Variants in LRRTM4 observed in about 807,000 individuals in gnomAD.
The protein encoded by LRRTM4 is leucine rich repeat transmembrane neuronal 4.
A neutral mutation model predicts 47.6 loss-of-function variants in LRRTM4; 25 were observed. That is an observed-to-expected ratio of 0.53 (90% confidence interval 0.38 to 0.73). The LOEUF (loss-of-function observed/expected upper bound fraction) is 0.73. LRRTM4 is among the 30% of genes least tolerant of loss of function. LRRTM4 has a pLI of 0.00. For missense variants in LRRTM4, 638 were observed against 713.4 expected (o/e 0.89, Z 1.20); for synonymous variants, 311 against 269.5 (o/e 1.15, Z -1.51).
chr2:77,281,864 C>T (rs1676515115), intron 3 of LRRTM4, among the ~76,000 whole-genome samples: 1 of 151,762 alleles, frequency 6.6e-6, no homozygotes, highest in East Asian at 1.9e-4. Context: ...AGTTTTCTGG[C>T]TTTTGGCATG....
chr2:76,809,406 A>G (rs1282846711), intron 3 of LRRTM4, among the ~76,000 whole-genome samples: 1 of 152,042 alleles, frequency 6.6e-6, no homozygotes, highest in Non-Finnish European at 1.5e-5. Context: ...TCCTTCTTTT[A>G]AGTGCTCAGG....
intron 3 of LRRTM4, among the ~76,000 whole-genome samples, chr2:77,382,871 C>A (rs1036664640): frequency 6.6e-6 from 1 of 152,010 alleles, no homozygotes; most frequent in African/African-American, 2.4e-5. Flanking sequence ...ACGAGCCATA[C>A]GAAAATCCAC....
In LRRTM4 at chr2:76,917,912, A is replaced by G. The variant is rs115731417; in HGVS notation, c.1552-168996T>C. The stretch of plus-strand genomic sequence containing the variant: ...TAGTGTTTCCTATCCCTCTCTTTTT[A>G]TAGTGGTATGGGTATGCTAGGAAGA... On this transcript the variant is annotated intron_variant, in intron 3 of 3. Transcript: ENST00000409884. Among the ~76,000 whole-genome samples, 728 of 152,044 alleles carry G rather than the reference A, an allele frequency of 4.8e-3. 5 individuals are homozygous for G. Among genetic ancestry groups the G allele is most frequent in the African/African-American group, 0.017 (693 of 41,466 alleles).
intron 3 of LRRTM4, among the ~76,000 whole-genome samples, chr2:76,890,446 A>G (rs1673216034): frequency 6.6e-6 from 1 of 152,026 alleles, no homozygotes; most frequent in Non-Finnish European, 1.5e-5. Context: ...TTCAAAGGCC[A>G]AAAGAGGATG....
intron 3 of LRRTM4, among the ~76,000 whole-genome samples, chr2:76,803,586 C>T (rs553787305): frequency 3.9e-5 from 6 of 152,146 alleles, no homozygotes; most frequent in Admixed American, 1.3e-4. Flanking sequence ...TCGGCAATAC[C>T]GCTACTGGGT....
At chr2:77,208,525 G>A (rs1036419456) in intron 3 of LRRTM4, among the ~76,000 whole-genome samples, 2 of 152,156 alleles carry the variant, frequency 1.3e-5, no homozygotes, top group African/African-American at 4.8e-5. Flanking sequence ...CCTGTGGGTG[G>A]AGGCTGGTCA....
At chr2:76,762,066 C>T (rs1319901023) in intron 3 of LRRTM4, among the ~76,000 whole-genome samples, 5 of 152,186 alleles carry the variant, frequency 3.3e-5, no homozygotes. Context: ...TCACCCCCAA[C>T]TACAGCCGCT....
intron 3 of LRRTM4, among the ~76,000 whole-genome samples, chr2:76,994,449 G>A (rs1677127170): frequency 6.6e-6 from 1 of 151,816 alleles, no homozygotes; most frequent in African/African-American, 2.4e-5. Flanking sequence ...GGAGAGCATA[G>A]AGAACTGATG....
At chr2:77,293,830 C>A (rs1197122259) in intron 3 of LRRTM4, among the ~76,000 whole-genome samples, 2 of 152,228 alleles carry the variant, frequency 1.3e-5, no homozygotes, top group East Asian at 3.9e-4. Context: ...CCTGGACCCT[C>A]ATAATGAGAC....
At chr2:76,796,946 C>A (rs1274818361) in intron 3 of LRRTM4, among the ~76,000 whole-genome samples, 1 of 151,988 alleles carries the variant, frequency 6.6e-6, no homozygotes, top group Non-Finnish European at 1.5e-5. Context: ...GCAAAGCCTC[C>A]AAGAAATATG....
At chr2:76,927,072 A>T (rs58463979) in intron 3 of LRRTM4, among the ~76,000 whole-genome samples, 2,911 of 152,236 alleles carry the variant, frequency 0.019, 74 homozygotes, top group East Asian at 0.083. Flanking sequence ...TGCTTATGAC[A>T]TTTGGATTTT....
At chr2:77,011,707 A>T (rs757373323) in intron 3 of LRRTM4, among the ~76,000 whole-genome samples, 23 of 152,222 alleles carry the variant, frequency 1.5e-4, no homozygotes, top group Admixed American at 3.3e-4. Flanking sequence ...GCATTCATCC[A>T]TGTGGTTGAG....
chr2:76,982,477 A>C (rs1030520197), intron 3 of LRRTM4, among the ~76,000 whole-genome samples: 6 of 152,058 alleles, frequency 3.9e-5, no homozygotes, highest in Non-Finnish European at 8.8e-5. Context: ...AATGATAATA[A>C]AAATAAATTT....
At chr2:77,227,900 T>G (rs1430244367) in intron 3 of LRRTM4, among the ~76,000 whole-genome samples, 1 of 152,142 alleles carries the variant, frequency 6.6e-6, no homozygotes, top group Non-Finnish European at 1.5e-5. Context: ...TTATTATTTT[T>G]TCTTACAAAA....
chr2:76,992,878 A>G (rs1312717160), intron 3 of LRRTM4, among the ~76,000 whole-genome samples: 2 of 151,492 alleles, frequency 1.3e-5, no homozygotes, highest in African/African-American at 2.4e-5. Flanking sequence ...AAATTATACT[A>G]TAAGGCTTAA....
chr2:77,095,757 C>T (rs1363775058), intron 3 of LRRTM4, among the ~76,000 whole-genome samples: 2 of 152,134 alleles, frequency 1.3e-5, no homozygotes, highest in Non-Finnish European at 1.5e-5. Flanking sequence ...GTCAGATCCA[C>T]CCGCCTTGGC....
chr2:77,090,351 C>A (rs962621897), intron 3 of LRRTM4, among the ~76,000 whole-genome samples: 1 of 152,130 alleles, frequency 6.6e-6, no homozygotes, highest in Non-Finnish European at 1.5e-5. Context: ...AACCCTGAGA[C>A]ACTTTACAGC....
intron 3 of LRRTM4, among the ~76,000 whole-genome samples, chr2:77,299,847 ATTTTTTTTTTTT>A (rs145008759): frequency 9.6e-5 from 11 of 114,212 alleles, no homozygotes; most frequent in African/African-American, 3.7e-4. Flanking sequence ...TAAGGTAATG[ATTTTTTTTTTTT>A]TTTTTTTTTT....
rs1676386904 is a variant in LRRTM4, at chr2:76,975,431, TTA to T, written c.1552-226517_1552-226516del. Among the ~76,000 whole-genome samples, 10 of 151,478 alleles carry T rather than the reference TTA, an allele frequency of 6.6e-5. No homozygotes were observed. The South Asian group carries it at 2.1e-3, about 31-fold the overall frequency. ...ATTTATTTATTTATTTATTTATTAT[TTA>T]TTTTAAGGAAAATCTGAGAATTGAG... is the stretch of plus-strand genomic sequence containing the variant. On this transcript the variant is annotated intron_variant, in intron 3 of 3. Transcript: ENST00000409884.
Sources: gnomAD v4.1 joint callset for allele counts (sites outside exome capture counted in the v4.1 genomes callset) on GRCh38, gnomAD v4.1.1 for gene constraint, MANE v1.5 for transcripts, NCBI Gene and HGNC (gene_info 2026-07-23, HGNC 2026-07-21) for gene names.